Variants in NKAIN3 observed in about 807,000 individuals in gnomAD.
The protein encoded by NKAIN3 is sodium/potassium transporting ATPase interacting 3.
A neutral mutation model predicts 30.2 loss-of-function variants in NKAIN3; 25 were observed. The ratio of observed to expected loss-of-function variants is 0.83; its 90% CI spans 0.60 to 1.16. The LOEUF (loss-of-function observed/expected upper bound fraction) is 1.16. Among genes scored for constraint, NKAIN3 ranks in the 50% most tolerant of loss-of-function variants. The pLI is 0.00. For missense variants in NKAIN3, 225 were observed against 254.1 expected (o/e 0.89, Z 0.78); for synonymous variants, 91 against 89.6 (o/e 1.02, Z -0.09).
At chr8:62,738,928 T>A (rs1489113136) in intron 3 of NKAIN3, among the ~76,000 whole-genome samples, 4 of 152,140 alleles carry the variant, frequency 2.6e-5, no homozygotes, top group Admixed American at 2.6e-4. Flanking sequence ...TGGAATACTA[T>A]GCAGCCATAA....
At chr8:62,770,318 TAGG>T (rs1159556747) in intron 4 of NKAIN3, among the ~76,000 whole-genome samples, 1 of 152,162 alleles carries the variant, frequency 6.6e-6, no homozygotes, top group East Asian at 1.9e-4. Flanking sequence ...TAGCAGAGGA[TAGG>T]AGATTTACTG....
intron 1 of NKAIN3, among the ~76,000 whole-genome samples, chr8:62,468,122 CTGA>C (rs1806219110): frequency 6.6e-6 from 1 of 152,064 alleles, no homozygotes; most frequent in Admixed American, 6.6e-5. Context: ...GACCAGAATC[CTGA>C]TTCTAAGAAG....
chr8:62,278,013 G>A (rs760420675), intron 1 of NKAIN3, among the ~76,000 whole-genome samples: 1 of 152,142 alleles, frequency 6.6e-6, no homozygotes, highest in Non-Finnish European at 1.5e-5. Flanking sequence ...ACAGGTATTG[G>A]AGATCAGCAC....
chr8:62,602,395 A>G (rs570785774), intron 3 of NKAIN3, among the ~76,000 whole-genome samples: 14 of 152,120 alleles, frequency 9.2e-5, no homozygotes, highest in Non-Finnish European at 1.5e-4. Flanking sequence ...ATCAATATTT[A>G]AAGATAAACA....
chr8:62,790,880 G>A (rs1586198829), intron 4 of NKAIN3, among the ~76,000 whole-genome samples: 1 of 152,010 alleles, frequency 6.6e-6, no homozygotes, highest in African/African-American at 2.4e-5. Context: ...ATTTATCTCT[G>A]CCTAGGTGAG....
chr8:62,332,843 A>C (rs546699108), intron 1 of NKAIN3, among the ~76,000 whole-genome samples: 27 of 152,268 alleles, frequency 1.8e-4, no homozygotes, highest in African/African-American at 6.0e-4. Flanking sequence ...CCTGGGCACC[A>C]TGCCGAAACC....
chr8:62,992,173 C>A (rs1824335735), intron 5 of NKAIN3, among the ~76,000 whole-genome samples: 1 of 151,918 alleles, frequency 6.6e-6, no homozygotes, highest in East Asian at 1.9e-4. Flanking sequence ...ACCACCACAC[C>A]CAGCTAATTT....
intron 1 of NKAIN3, among the ~76,000 whole-genome samples, chr8:62,529,327 C>A (rs770533241): frequency 6.6e-6 from 1 of 152,216 alleles, no homozygotes; most frequent in Non-Finnish European, 1.5e-5. Flanking sequence ...ATCTCACTGA[C>A]ACATTGCTCC....
chr8:62,939,456 G>A (rs549856033), intron 5 of NKAIN3, among the ~76,000 whole-genome samples: 11 of 152,150 alleles, frequency 7.2e-5, no homozygotes, highest in African/African-American at 1.9e-4. Flanking sequence ...TAGTCATCAC[G>A]TTATCTAAAG....
At chr8:62,374,277 A>G (rs1385274758) in intron 1 of NKAIN3, among the ~76,000 whole-genome samples, 1 of 152,188 alleles carries the variant, frequency 6.6e-6, no homozygotes, top group Non-Finnish European at 1.5e-5. Flanking sequence ...AGCTAGTGCT[A>G]TTCACTCAAA....
chr8:62,633,325 C>A (rs1812026524), intron 3 of NKAIN3, among the ~76,000 whole-genome samples: 1 of 152,096 alleles, frequency 6.6e-6, no homozygotes, highest in Non-Finnish European at 1.5e-5. Flanking sequence ...TTATTGATAA[C>A]CCTGTCTGTC....
At chr8:62,574,712 T>A (rs997991184) in intron 1 of NKAIN3, among the ~76,000 whole-genome samples, 1 of 152,148 alleles carries the variant, frequency 6.6e-6, no homozygotes, top group African/African-American at 2.4e-5. Context: ...GCATTTGCTA[T>A]TGCCTGTTTT....
At chr8:62,411,846 C>T (rs1404361397) in intron 1 of NKAIN3, among the ~76,000 whole-genome samples, 1 of 151,968 alleles carries the variant, frequency 6.6e-6, no homozygotes, top group South Asian at 2.1e-4. Context: ...ATACAGCTAA[C>T]GAAAGGGGTG....
At chr8:62,534,641 G>A (rs1324710426) in intron 1 of NKAIN3, among the ~76,000 whole-genome samples, 2 of 152,030 alleles carry the variant, frequency 1.3e-5, no homozygotes, top group Admixed American at 1.3e-4. Flanking sequence ...AGAGTACTGG[G>A]CCCCACCCCC....
chr8:62,688,321 A>G lies in NKAIN3; in HGVS notation c.274-58611A>G, dbSNP rs570720756. On this transcript the variant is annotated intron_variant, in intron 3 of 6. Coordinates refer to ENST00000623646, the MANE Select transcript of NKAIN3 (RefSeq NM_001304533.3). ...TCTAGAAGCTTCAGTTTCTTTATCTACAAAATGGAGCAGATGATACCTATC... is the reference window on the plus strand; with the variant it reads ...TCTAGAAGCTTCAGTTTCTTTATCTGCAAAATGGAGCAGATGATACCTATC... 7.2e-5 allele frequency among the ~76,000 whole-genome samples: 11 copies of G among 152,200 alleles called. No homozygotes were observed. The South Asian group carries it at 2.1e-3, about 29-fold the overall frequency.
At chr8:62,875,374 C>T (rs1820764519) in intron 4 of NKAIN3, among the ~76,000 whole-genome samples, 1 of 152,102 alleles carries the variant, frequency 6.6e-6, no homozygotes, top group Non-Finnish European at 1.5e-5. Flanking sequence ...TAGGAGGAAT[C>T]AATATCGTGA....
intron 5 of NKAIN3, among the ~76,000 whole-genome samples, chr8:62,928,739 G>T (rs539950998): frequency 6.6e-6 from 1 of 152,196 alleles, no homozygotes; most frequent in Non-Finnish European, 1.5e-5. Flanking sequence ...GAAGCCGCAC[G>T]TTTCAAATGC....
chr8:62,488,223 G>A (rs1220666287), intron 1 of NKAIN3, among the ~76,000 whole-genome samples: 5 of 151,938 alleles, frequency 3.3e-5, no homozygotes, highest in Non-Finnish European at 7.4e-5. Flanking sequence ...TGATTTTGCT[G>A]GTTCACCCAC....
chr8:62,892,997 A>G (rs550865964), intron 4 of NKAIN3, among the ~76,000 whole-genome samples: 10 of 152,298 alleles, frequency 6.6e-5, no homozygotes, highest in African/African-American at 2.2e-4. Context: ...CAGTATAAAA[A>G]GGTGGTTTAA....
Sources: gnomAD v4.1 joint callset for allele counts (sites outside exome capture counted in the v4.1 genomes callset) on GRCh38, gnomAD v4.1.1 for gene constraint, MANE v1.5 for transcripts, NCBI Gene and HGNC (gene_info 2026-07-23, HGNC 2026-07-21) for gene names.